PRKN: variants seen among roughly 807,000 people sequenced by gnomAD.
PRKN encodes E3 ubiquitin-protein ligase parkin.
PRKN carries 56 observed loss-of-function variants against 59.5 expected under a neutral mutation model. That is an observed-to-expected ratio of 0.94 (90% CI 0.76 to 1.18). The LOEUF (loss-of-function observed/expected upper bound fraction) is 1.18, where lower values mean the gene tolerates loss of function less well. Ranked by LOEUF, PRKN falls within the 50% of genes most tolerant of loss-of-function variation. PRKN has a pLI of 0.00. For missense variants in PRKN, 657 were observed against 596.4 expected (o/e 1.10, Z -1.06); for synonymous variants, 250 against 222.1 (o/e 1.13, Z -1.12).
At chr6:162,450,662 C>T (rs1329746474) in intron 1 of PRKN, among the ~76,000 whole-genome samples, 1 of 152,078 alleles carries the variant, frequency 6.6e-6, no homozygotes, top group Admixed American at 6.6e-5. Flanking sequence ...GCACAAAACG[C>T]AATTGAGGGA....
At chr6:161,437,230 T>C (rs771349011) in intron 9 of PRKN, among the ~76,000 whole-genome samples, 1 of 152,126 alleles carries the variant, frequency 6.6e-6, no homozygotes, top group Admixed American at 6.5e-5. Flanking sequence ...AAATATCTCA[T>C]TGTCCTGCGC....
chr6:162,567,462 C>T (rs945314938), intron 1 of PRKN, among the ~76,000 whole-genome samples: 5 of 152,106 alleles, frequency 3.3e-5, no homozygotes, highest in African/African-American at 1.2e-4. Context: ...AGTAGCATTT[C>T]TAAATGCCAA....
chr6:162,100,737 C>T (rs113224992), intron 4 of PRKN, among the ~76,000 whole-genome samples: 9,033 of 152,170 alleles, frequency 0.059, 351 homozygotes, highest in Middle Eastern at 0.11. Context: ...CCACCGTGCC[C>T]GGCCATCTCT....
chr6:161,979,762 A>G (rs965080935), intron 5 of PRKN, among the ~76,000 whole-genome samples: 1 of 152,138 alleles, frequency 6.6e-6, no homozygotes, highest in African/African-American at 2.4e-5. Context: ...TCCAAATCAC[A>G]TCAGACCCAT....
At chr6:162,235,946 GAA>G (rs1778651642) in intron 3 of PRKN, among the ~76,000 whole-genome samples, 1 of 80,756 alleles carries the variant, frequency 1.2e-5, no homozygotes, top group Non-Finnish European at 2.3e-5. Context: ...AGGAAGGAAG[GAA>G]GGAAGAAAGG....
At chr6:161,913,622 CCTA>C (rs955875289) in intron 6 of PRKN, among the ~76,000 whole-genome samples, 1 of 152,166 alleles carries the variant, frequency 6.6e-6, no homozygotes, top group African/African-American at 2.4e-5. Flanking sequence ...TTACAAAAAA[CCTA>C]CTATGTCTAT....
At chr6:162,629,169 T>C (rs1783007714) in intron 1 of PRKN, among the ~76,000 whole-genome samples, 1 of 152,134 alleles carries the variant, frequency 6.6e-6, no homozygotes, top group African/African-American at 2.4e-5. Context: ...ATCTAAAATA[T>C]CCCAAAGTGT....
intron 7 of PRKN, among the ~76,000 whole-genome samples, chr6:161,744,652 G>A (rs971196250): frequency 2.6e-5 from 4 of 152,342 alleles, no homozygotes; most frequent in South Asian, 2.1e-4. Context: ...GATCCCCCAG[G>A]CAGCATTGAC....
chr6:162,393,765 A>G (rs1787339364), intron 2 of PRKN, among the ~76,000 whole-genome samples: 1 of 152,194 alleles, frequency 6.6e-6, no homozygotes, highest in African/African-American at 2.4e-5. Context: ...TGACCACAGG[A>G]GCATCATAAC....
At position 161,873,484 on chromosome 6, in the gene PRKN, G is replaced by A. The variant is rs980429910; in HGVS notation, c.735-87576C>T. 4.6e-5 allele frequency among the ~76,000 whole-genome samples: 7 copies of A among 150,868 alleles called. 1 individual carries two copies. The highest frequency in any genetic ancestry group is 3.9e-4 in the Admixed American group (6 of 15,222). On this transcript the variant is annotated intron_variant, in intron 6 of 11. Coordinates refer to ENST00000366898, the MANE Select transcript of PRKN (RefSeq NM_004562.3). ...ACTAAATACAATGCGTATCGGACTCGAGAAATTCCGAGGAATGGAAAGGAA... is the reference window on the plus strand; with the variant it reads ...ACTAAATACAATGCGTATCGGACTCAAGAAATTCCGAGGAATGGAAAGGAA...
intron 6 of PRKN, among the ~76,000 whole-genome samples, chr6:161,873,125 A>G (rs907422625): frequency 2.4e-4 from 36 of 151,882 alleles, no homozygotes; most frequent in South Asian, 4.2e-4. Context: ...TTCTCAATGA[A>G]TCTGTGCTGA....
In PRKN at chr6:161,766,314, A is replaced by ATTTTTTTTTTTTTTTTTTTTTTT. The variant is rs758294050; in HGVS notation, c.871+19457_871+19458insAAAAAAAAAAAAAAAAAAAAAAA. 9.8e-4 allele frequency among the ~76,000 whole-genome samples: 137 copies of ATTTTTTTTTTTTTTTTTTTTTTT among 139,606 alleles called. 2 individuals are homozygous for ATTTTTTTTTTTTTTTTTTTTTTT. The highest frequency in any genetic ancestry group is 3.6e-3 in the African/African-American group (134 of 37,298). 91.6% of individuals were successfully genotyped at this position (139,606 alleles called of 152,430 possible). ...ACTTATGCCTGCTGTCATTGACCAC[A>ATTTTTTTTTTTTTTTTTTTTTTT]TTTTTTTTTTTTTAGACAGAGTCTC... On this transcript the variant is annotated intron_variant, in intron 7 of 11. Transcript: ENST00000366898.
At chr6:162,289,351 C>G (rs1328457562) in intron 2 of PRKN, among the ~76,000 whole-genome samples, 1 of 152,068 alleles carries the variant, frequency 6.6e-6, no homozygotes, top group African/African-American at 2.4e-5. Context: ...TTGATTACCA[C>G]TGTAAAGACC....
chr6:161,605,949 C>G (rs1301596711), intron 7 of PRKN, among the ~76,000 whole-genome samples: 1 of 152,138 alleles, frequency 6.6e-6, no homozygotes, highest in Non-Finnish European at 1.5e-5. Context: ...TGTGCAAACA[C>G]CCTGAGCCAA....
intron 7 of PRKN, among the ~76,000 whole-genome samples, chr6:161,770,475 T>C (rs1340112098): frequency 5.9e-5 from 9 of 152,044 alleles, no homozygotes; most frequent in Middle Eastern, 6.8e-3. Flanking sequence ...TTTATTTATT[T>C]ATTCATTTAT....
intron 6 of PRKN, among the ~76,000 whole-genome samples, chr6:161,819,272 G>A (rs895964432): frequency 6.6e-6 from 1 of 152,076 alleles, no homozygotes; most frequent in Non-Finnish European, 1.5e-5. Context: ...TGGGCAGATC[G>A]CTAGAAGTCA....
In PRKN at chr6:161,466,754, A is replaced by T. The variant is rs927028349; in HGVS notation, c.1084-79877T>A. On this transcript the variant is annotated intron_variant, in intron 9 of 11. Coordinates refer to ENST00000366898, the MANE Select transcript of PRKN (RefSeq NM_004562.3). This position sits in a 1 kb window ranked among gnomAD's most constrained non-coding sequence, Gnocchi z 5.0. ...CAACCCAAGGACAGGCTTTCTGACA[A>T]GTGATTGATAGATTTATTTCAAAGC... is the stretch of plus-strand genomic sequence containing the variant. Among the ~76,000 whole-genome samples, 1 of 152,182 alleles carries T rather than the reference A, an allele frequency of 6.6e-6. No homozygotes were observed. Among genetic ancestry groups the T allele is most frequent in the East Asian group, 1.9e-4 (1 of 5,196 alleles).
At chr6:162,478,919 G>T (rs528724242) in intron 1 of PRKN, among the ~76,000 whole-genome samples, 1 of 152,182 alleles carries the variant, frequency 6.6e-6, no homozygotes, top group African/African-American at 2.4e-5. Flanking sequence ...GTTGCTCTGG[G>T]TGATCAGGGA....
chr6:162,198,706 A>C (rs531737703), intron 4 of PRKN, among the ~76,000 whole-genome samples: 16 of 151,118 alleles, frequency 1.1e-4, no homozygotes, highest in Admixed American at 8.6e-4. Context: ...ATTTCAGAGA[A>C]GTAAAACCAC....
Sources: gnomAD v4.1 joint callset for allele counts (sites outside exome capture counted in the v4.1 genomes callset) on GRCh38, gnomAD v4.1.1 for gene constraint, Gnocchi (gnomAD v3.1) non-coding constraint, MANE v1.5 for transcripts, NCBI Gene and HGNC (gene_info 2026-07-23, HGNC 2026-07-21) for gene names.